The following BPTF variants were observed in gnomAD, a reference collection of about 807,000 sequenced individuals.
The protein encoded by BPTF is nucleosome-remodeling factor subunit BPTF.
In BPTF, 18 loss-of-function variants were observed where a neutral mutation model predicts 292.5. That is an observed-to-expected ratio of 0.06 (90% CI 0.04 to 0.09). The LOEUF is 0.09. BPTF is among the 10% of genes least tolerant of loss of function. BPTF has a pLI of 1.00. For synonymous variants in BPTF, 1,225 were observed against 1,251.9 expected, an observed-to-expected ratio of 0.98 and a Z score of 0.45; for missense variants, 2,726 against 3,498.7, an observed-to-expected ratio of 0.78 and a Z score of 5.57.
intron 18 of BPTF, among the ~76,000 whole-genome samples, chr17:67,938,972 C>A (rs1355544178): frequency 6.6e-6 from 1 of 152,140 alleles, no homozygotes; most frequent in South Asian, 2.1e-4. Context: ...ATACTATTTG[C>A]AGTTGCCTGA....
chr17:67,945,179 C>G (rs1410905521), intron 20 of BPTF, among the ~76,000 whole-genome samples: 6 of 152,080 alleles, frequency 3.9e-5, no homozygotes, highest in Admixed American at 2.0e-4. Flanking sequence ...TGGACCATAG[C>G]CATGCTCCAC....
At chr17:67,953,760 C>T (rs1272608599) in intron 23 of BPTF, among the ~76,000 whole-genome samples, 1 of 149,418 alleles carries the variant, frequency 6.7e-6, no homozygotes, top group Non-Finnish European at 1.5e-5. Flanking sequence ...GTGTATTATT[C>T]GGAGAGATGG....
intron 9 of BPTF, among the ~76,000 whole-genome samples, chr17:67,907,111 G>A (rs1402382313): frequency 1.3e-5 from 2 of 151,512 alleles, no homozygotes; most frequent in Non-Finnish European, 2.9e-5. Context: ...TTTGAGCCCA[G>A]GAGTTCAAGG....
chr17:67,904,992 A>C (rs1194251876), intron 9 of BPTF, 152 bp downstream of exon 9: 1 of 547,348 alleles, frequency 1.8e-6, no homozygotes, highest in African/African-American at 1.9e-5. Context: ...TAAAACCCTA[A>C]AACTTTAAAA....
chr17:67,929,209 G>A (rs747249126), intron 16 of BPTF, 127 bp from the exon 17 acceptor site: 131 of 1,433,724 alleles, frequency 9.1e-5, no homozygotes, highest in Non-Finnish European at 1.1e-4. Flanking sequence ...TTCAGTCCTC[G>A]GATCTCACAT....
At chr17:67,842,631 T>A (rs562467129) in intron 1 of BPTF, among the ~76,000 whole-genome samples, 10 of 152,242 alleles carry the variant, frequency 6.6e-5, no homozygotes, top group African/African-American at 2.4e-4. Flanking sequence ...GATTTTTTGA[T>A]GACAAAGGCT....
At chr17:67,863,800 TTACTC>T (rs1167585870) in intron 2 of BPTF, among the ~76,000 whole-genome samples, 2 of 152,238 alleles carry the variant, frequency 1.3e-5, no homozygotes, top group African/African-American at 4.8e-5. Context: ...CTAGTGTTCT[TTACTC>T]TTCATTTCTA....
chr17:67,840,854 T>G (rs375931264), intron 1 of BPTF, among the ~76,000 whole-genome samples: 3 of 152,030 alleles, frequency 2.0e-5, no homozygotes, highest in East Asian at 3.9e-4. Flanking sequence ...TGAGCCACCA[T>G]GCCCAGCCAA....
chr17:67,880,104 C>G (rs1013367944), intron 4 of BPTF, among the ~76,000 whole-genome samples: 2 of 151,600 alleles, frequency 1.3e-5, no homozygotes, highest in African/African-American at 4.9e-5. Flanking sequence ...AGCATAATAA[C>G]ATCGTATCTT....
chr17:67,860,020 C>T (rs772894827), intron 2 of BPTF, among the ~76,000 whole-genome samples: 4 of 152,032 alleles, frequency 2.6e-5, no homozygotes, highest in Non-Finnish European at 5.9e-5. Context: ...TTATGTTTGT[C>T]AATAAAACTG....
intron 26 of BPTF, among the ~76,000 whole-genome samples, chr17:67,973,026 AAT>A (rs2068942005): frequency 6.9e-6 from 1 of 145,330 alleles, no homozygotes; most frequent in African/African-American, 2.5e-5. Context: ...TGTGTACTAA[AAT>A]ATATATATTT....
intron 26 of BPTF, among the ~76,000 whole-genome samples, chr17:67,966,998 G>A (rs1226438242): frequency 1.3e-5 from 2 of 151,498 alleles, no homozygotes; most frequent in Non-Finnish European, 2.9e-5. Context: ...TACTCAGGAG[G>A]CTGAGGCAGG....
At chr17:67,889,838 G>A (rs1345515336) in intron 4 of BPTF, among the ~76,000 whole-genome samples, 1 of 151,808 alleles carries the variant, frequency 6.6e-6, no homozygotes, top group Non-Finnish European at 1.5e-5. Context: ...TCCATGATCT[G>A]AGACCCAAGA....
chr17:67,842,822 A>AAC (rs1259440901), intron 1 of BPTF, among the ~76,000 whole-genome samples: 3 of 149,100 alleles, frequency 2.0e-5, no homozygotes, highest in Admixed American at 6.7e-5. Context: ...AAGGCCAAAA[A>AAC]AAAAAAAAAA....
In BPTF at chr17:67,912,684, A is replaced by G. The variant is rs1448567325; in HGVS notation, c.4800A>G (p.Lys1600=). 3 of 1,614,034 alleles carry G rather than the reference A, an allele frequency of 1.9e-6. No homozygotes were observed. Among genetic ancestry groups the G allele is most frequent in the East Asian group, 4.5e-5 (2 of 44,892 alleles). Reference sequence around the variant, plus strand: ...CCTCCACAGTGGCCACAGAATCAAAAACTGTGATCAAGGTAGAAAAAGGCG... The same window carrying G: ...CCTCCACAGTGGCCACAGAATCAAAGACTGTGATCAAGGTAGAAAAAGGCG... ...TMTSTVATES[K]TVIKVEKGDK... is the part of the protein sequence containing the mutation. The change falls in exon 11 of 28, where the codon AAA becomes AAG. Residue 1600 remains lysine, a synonymous_variant. Transcript: ENST00000306378.
intron 1 of BPTF, among the ~76,000 whole-genome samples, chr17:67,836,005 C>T (rs1452669161): frequency 6.6e-6 from 1 of 151,952 alleles, no homozygotes; most frequent in Admixed American, 6.6e-5. Context: ...ATATATAGGC[C>T]AGAAGAGAAG....
chr17:67,940,329 T>C, intron 18 of BPTF, 110 bp from the exon 19 acceptor site: 2 of 982,076 alleles, frequency 2.0e-6, no homozygotes, highest in Non-Finnish European at 3.1e-6. Flanking sequence ...AATATCCCAG[T>C]GTTTTTTTGA....
intron 26 of BPTF, 41 bp from the exon 27 acceptor site, chr17:67,975,731 C>A (rs549703994): frequency 1.9e-6 from 3 of 1,549,056 alleles, no homozygotes; most frequent in East Asian, 2.3e-5. Flanking sequence ...ATTGGAAAAA[C>A]CTTAAAGCTC....
chr17:67,909,457 T>C, intron 9 of BPTF, 125 bp from the exon 10 acceptor site: 1 of 693,316 alleles, frequency 1.4e-6, no homozygotes, highest in South Asian at 3.3e-5. Context: ...TCTTTTTTTT[T>C]TTTTTAAATG....
Sources: gnomAD v4.1 joint callset for allele counts (sites outside exome capture counted in the v4.1 genomes callset) on GRCh38, gnomAD v4.1.1 for gene constraint, MANE v1.5 for transcripts, NCBI Gene and HGNC (gene_info 2026-07-23, HGNC 2026-07-21) for gene names.